The following STAU2 variants were observed in gnomAD, a reference collection of about 807,000 sequenced individuals.
STAU2 encodes double-stranded RNA-binding protein Staufen homolog 2.
STAU2 carries 20 observed loss-of-function variants against 65.9 expected under a neutral mutation model. The ratio of observed to expected loss-of-function variants is 0.30; its 90% confidence interval spans 0.21 to 0.44. STAU2 has a LOEUF of 0.44. STAU2 is among the 20% of genes least tolerant of loss of function. The probability of loss-of-function intolerance (pLI) is 1.00; values close to 1 mark genes in which losing one functional copy is unlikely to be tolerated. For missense variants in STAU2, 558 were observed against 683.9 expected (o/e 0.82, Z 2.05); for synonymous variants, 232 against 233.9 (o/e 0.99, Z 0.07).
At chr8:73,460,213 T>C (rs965446033) in intron 13 of STAU2, among the ~76,000 whole-genome samples, 3 of 152,192 alleles carry the variant, frequency 2.0e-5, no homozygotes, top group Non-Finnish European at 4.4e-5. Context: ...TGCTACGGAA[T>C]AGCTGTGGTC....
intron 13 of STAU2, among the ~76,000 whole-genome samples, chr8:73,447,600 AT>A (rs1818544198): frequency 6.6e-6 from 1 of 152,220 alleles, no homozygotes; most frequent in Admixed American, 6.5e-5. Context: ...TTTCTTAAAA[AT>A]TTGTAACAAG....
intron 1 of STAU2, among the ~76,000 whole-genome samples, chr8:73,745,869 C>A (rs1312992411): frequency 6.6e-6 from 1 of 152,112 alleles, no homozygotes; most frequent in Non-Finnish European, 1.5e-5. Context: ...CGGCCATTAC[C>A]CCCACCGCCT....
At chr8:73,454,058 CA>C (rs5892418) in intron 13 of STAU2, among the ~76,000 whole-genome samples, 17,602 of 150,964 alleles carry the variant, frequency 0.12, 1,624 homozygotes, top group African/African-American at 0.24. Context: ...ATATTTTTTA[CA>C]AAAAAAAATT....
chr8:73,651,669 C>T (rs1402787394), intron 6 of STAU2: 10 of 502,772 alleles, frequency 2.0e-5, no homozygotes, highest in Non-Finnish European at 3.3e-5. Context: ...GGGCCTGCTG[C>T]TGTGGGCAGC....
At chr8:73,634,508 CAG>C (rs2130061174) in intron 6 of STAU2, among the ~76,000 whole-genome samples, 1 of 152,246 alleles carries the variant, frequency 6.6e-6, no homozygotes, top group South Asian at 2.1e-4. Context: ...AGCCTGGCAA[CAG>C]AGTGAGACAC....
intron 13 of STAU2, chr8:73,550,025 G>T: frequency 1.0e-6 from 1 of 985,514 alleles, no homozygotes; most frequent in Non-Finnish European, 1.2e-6. Flanking sequence ...ATGAAGATGG[G>T]CTATGCATGT....
chr8:73,526,644 C>G (rs532003007), intron 13 of STAU2, among the ~76,000 whole-genome samples: 2 of 152,264 alleles, frequency 1.3e-5, no homozygotes, highest in Admixed American at 6.5e-5. Flanking sequence ...GAAAGCATAA[C>G]TGGTTAGTCA....
At chr8:73,604,381 C>T (rs572809171) in intron 9 of STAU2, among the ~76,000 whole-genome samples, 12 of 152,138 alleles carry the variant, frequency 7.9e-5, no homozygotes, top group African/African-American at 2.9e-4. Flanking sequence ...GGCGCGCCCA[C>T]ACCATGCCCA....
At chr8:73,680,160 T>G (rs2130460248) in intron 5 of STAU2, among the ~76,000 whole-genome samples, 1 of 83,202 alleles carries the variant, frequency 1.2e-5, no homozygotes, top group Admixed American at 1.6e-4. Context: ...GAGGTGGGAA[T>G]AGGGGGCCGG....
chr8:73,469,235 C>T (rs1374934568), intron 13 of STAU2, among the ~76,000 whole-genome samples: 1 of 151,956 alleles, frequency 6.6e-6, no homozygotes, highest in East Asian at 1.9e-4. Flanking sequence ...TGTTCTCACT[C>T]ATAGGTGGGA....
At chr8:73,515,168 A>G (rs1425168803) in intron 13 of STAU2, among the ~76,000 whole-genome samples, 1 of 152,222 alleles carries the variant, frequency 6.6e-6, no homozygotes, top group Non-Finnish European at 1.5e-5. Context: ...AAAAGAAAAC[A>G]GAGTCCTGAA....
chr8:73,580,257 T>C (rs191821722), intron 12 of STAU2, among the ~76,000 whole-genome samples: 4 of 152,368 alleles, frequency 2.6e-5, no homozygotes, highest in African/African-American at 7.2e-5. Context: ...AGTAATATGT[T>C]ACCTTTTCAG....
intron 3 of STAU2, among the ~76,000 whole-genome samples, chr8:73,735,606 T>TA (rs1373206813): frequency 3.9e-5 from 6 of 152,166 alleles, no homozygotes; most frequent in Non-Finnish European, 7.4e-5. Flanking sequence ...TTCCAAAATC[T>TA]AAAAAAATCT....
chr8:73,566,207 G>A (rs1397800600), intron 12 of STAU2, among the ~76,000 whole-genome samples: 2 of 152,104 alleles, frequency 1.3e-5, no homozygotes, highest in Admixed American at 1.3e-4. Flanking sequence ...CAGAAAGCTT[G>A]GAATAAAAGA....
intron 13 of STAU2, among the ~76,000 whole-genome samples, chr8:73,516,584 A>C (rs550897958): frequency 1.3e-5 from 2 of 152,198 alleles, no homozygotes; most frequent in Non-Finnish European, 2.9e-5. Flanking sequence ...ATGAAAGAAA[A>C]ATATTGAAAT....
chr8:73,440,028 G>A (rs920422942), intron 13 of STAU2: 3 of 152,274 alleles, frequency 2.0e-5, no homozygotes, highest in Non-Finnish European at 4.4e-5. Context: ...CAGGACCTGA[G>A]AGGGTGTTAA....
At chr8:73,693,620 C>T (rs1819510004) in intron 4 of STAU2, among the ~76,000 whole-genome samples, 1 of 152,030 alleles carries the variant, frequency 6.6e-6, no homozygotes, top group Non-Finnish European at 1.5e-5. Context: ...TCAACATGAA[C>T]ATTCTGTAAA....
At chr8:73,633,001 A>AG (rs1814212504) in intron 6 of STAU2, among the ~76,000 whole-genome samples, 1 of 152,204 alleles carries the variant, frequency 6.6e-6, no homozygotes, top group South Asian at 2.1e-4. Context: ...AGGCTACAAA[A>AG]GGGACAATTT....
chr8:73,704,967 T>C (rs1820403318), intron 4 of STAU2, among the ~76,000 whole-genome samples: 1 of 152,136 alleles, frequency 6.6e-6, no homozygotes, highest in Admixed American at 6.5e-5. Flanking sequence ...TCTTAAGATG[T>C]TGTGGGTTTC....
Sources: allele counts gnomAD v4.1 joint callset (sites outside exome capture counted in the v4.1 genomes callset), GRCh38; gene constraint gnomAD v4.1.1; transcripts MANE v1.5; gene names NCBI Gene and HGNC (gene_info 2026-07-23, HGNC 2026-07-21).